The following CGNL1 variants were observed in gnomAD, a reference collection of about 807,000 sequenced individuals.
The protein encoded by CGNL1 is cingulin-like protein 1.
Under a neutral mutation model 141.2 loss-of-function variants are expected in CGNL1, and 132 were observed. That is an observed-to-expected ratio of 0.93 (90% CI 0.81 to 1.08). The LOEUF (loss-of-function observed/expected upper bound fraction) is 1.08, where lower values mean the gene tolerates loss of function less well. Ranked by LOEUF, CGNL1 falls within the 50% of genes least tolerant of loss-of-function variation. The probability of loss-of-function intolerance (pLI) is 0.00; values close to 1 mark genes in which losing one functional copy is unlikely to be tolerated. For missense variants in CGNL1, 1,870 were observed against 1,588.6 expected (o/e 1.18, Z -3.01); for synonymous variants, 690 against 622.1 (o/e 1.11, Z -1.63).
At position 57,448,107 on chromosome 15, in the gene CGNL1, G is replaced by A. The variant is rs145024143; in HGVS notation, c.1804-3393G>A. Among the ~76,000 whole-genome samples the A allele has an allele frequency of 1.5e-3, 222 of 152,076 alleles. 1 individual carries two copies. Among genetic ancestry groups the A allele is most frequent in the African/African-American group, 5.1e-3 (210 of 41,470 alleles). The stretch of plus-strand genomic sequence containing the variant: ...GGATTGTTTGAGGCCAGGAGTTTGA[G>A]ACCAGCCTGAGCAACATAGTGAGAT... On this transcript the variant is annotated intron_variant, in intron 4 of 18. Coordinates refer to ENST00000281282, the MANE Select transcript of CGNL1 (RefSeq NM_032866.5).
At chr15:57,452,623 G>C (rs1468576599) in intron 6 of CGNL1, among the ~76,000 whole-genome samples, 3 of 152,168 alleles carry the variant, frequency 2.0e-5, no homozygotes, top group South Asian at 2.1e-4. Context: ...CCTGGGCCCA[G>C]CTTCTAAAAA....
rs138609543 is a variant in CGNL1, at chr15:57,439,096, T to C, written c.1097T>C (p.Leu366Pro). Residue 366 changes from leucine to proline, a missense_variant, in exon 2 of 19, where the codon CTT becomes CCT. Physicochemically the swap from Leu to Pro is moderately conservative, Grantham distance 98. Transcript: ENST00000281282. The part of the protein sequence containing the change: ...LIEKFDQKPG[L>P]QRRGRSGKRN... The stretch of plus-strand genomic sequence containing the variant: ...GAAAAATTTGATCAAAAACCTGGGC[T>C]TCAGAGAAGAGGAAGGTCTGGGAAG... The C allele has an allele frequency of 3.8e-5, 62 of 1,614,072 alleles. No homozygotes were observed. The highest frequency in any genetic ancestry group is 5.0e-5 in the Non-Finnish European group (59 of 1,180,042).
At chr15:57,399,268 A>G (rs185887119) in intron 1 of CGNL1, among the ~76,000 whole-genome samples, 2 of 152,308 alleles carry the variant, frequency 1.3e-5, no homozygotes, top group East Asian at 3.9e-4. Flanking sequence ...TCTCCTATCT[A>G]GCTGTAACTT....
chr15:57,396,899 A>G (rs2062609110), intron 1 of CGNL1: 1 of 152,198 alleles, frequency 6.6e-6, no homozygotes, highest in Admixed American at 6.5e-5. Flanking sequence ...GTAATAATGA[A>G]TATAACTTGA....
At chr15:57,517,291 G>C (rs529969325) in intron 9 of CGNL1, among the ~76,000 whole-genome samples, 1 of 152,296 alleles carries the variant, frequency 6.6e-6, no homozygotes, top group Admixed American at 6.5e-5. Context: ...ACCTGAAAGG[G>C]CTGTCTTAAC....
intron 1 of CGNL1, among the ~76,000 whole-genome samples, chr15:57,381,940 A>G (rs1227661696): frequency 6.6e-6 from 1 of 152,218 alleles, no homozygotes; most frequent in Non-Finnish European, 1.5e-5. Context: ...TAGGCTGTGC[A>G]GAAAGTCTCT....
chr15:57,412,339 A>T (rs1478816936), intron 1 of CGNL1, among the ~76,000 whole-genome samples: 1 of 152,206 alleles, frequency 6.6e-6, no homozygotes, highest in Non-Finnish European at 1.5e-5. Context: ...AGATCTGGAG[A>T]AAACCCTTTG....
chr15:57,436,446 G>A (rs1367413432), intron 1 of CGNL1, among the ~76,000 whole-genome samples: 2 of 152,172 alleles, frequency 1.3e-5, no homozygotes, highest in African/African-American at 4.8e-5. Flanking sequence ...AAAGACAGAT[G>A]AGTGGAAAGA....
intron 4 of CGNL1, among the ~76,000 whole-genome samples, chr15:57,443,788 C>T (rs767613032): frequency 1.3e-5 from 2 of 152,166 alleles, no homozygotes; most frequent in East Asian, 1.9e-4. Context: ...ATTATCAACA[C>T]GATTCTTGTT....
intron 8 of CGNL1, among the ~76,000 whole-genome samples, chr15:57,463,669 G>A (rs1221607799): frequency 1.3e-5 from 2 of 152,240 alleles, no homozygotes; most frequent in Non-Finnish European, 2.9e-5. Context: ...CTTTGCTTAA[G>A]TAACTTGCTT....
At chr15:57,522,811 G>T (rs1214654536) in intron 10 of CGNL1, among the ~76,000 whole-genome samples, 1 of 152,116 alleles carries the variant, frequency 6.6e-6, no homozygotes, top group Non-Finnish European at 1.5e-5. Context: ...ACTAGTATTT[G>T]GTGCTGATTC....
rs1207737500 is a variant in CGNL1, at chr15:57,406,951, C to A, written c.-16+30384C>A. Reference sequence around the variant, plus strand: ...GCTAACTTAAATTTATGACTTTTGACTTATTCCTGATCTATTCACAGGCCG... The same window carrying A: ...GCTAACTTAAATTTATGACTTTTGAATTATTCCTGATCTATTCACAGGCCG... On this transcript the variant is annotated intron_variant, in intron 1 of 18. Coordinates refer to ENST00000281282, the MANE Select transcript of CGNL1 (RefSeq NM_032866.5). 5 of 152,244 alleles carry A rather than the reference C, an allele frequency of 3.3e-5. 1 individual carries two copies. Among genetic ancestry groups the A allele is most frequent in the Non-Finnish European group, 7.3e-5 (5 of 68,052 alleles). 9.4% of individuals were successfully genotyped at this position (152,244 alleles called of 1,614,324 possible). A position where few individuals can be genotyped will look rare whatever the true frequency, so the allele number is the denominator to read the frequency against.
At chr15:57,534,223 T>C (rs1247101609) in intron 14 of CGNL1, among the ~76,000 whole-genome samples, 1 of 152,250 alleles carries the variant, frequency 6.6e-6, no homozygotes, top group Non-Finnish European at 1.5e-5. Flanking sequence ...CAGCTCTCTT[T>C]CCCTCTTCTG....
chr15:57,437,546 CA>C (rs1555434607), intron 1 of CGNL1, among the ~76,000 whole-genome samples: 2 of 140,486 alleles, frequency 1.4e-5, no homozygotes, highest in Non-Finnish European at 3.0e-5. Context: ...ACCTAGTTCT[CA>C]AATGCTGGTA....
At chr15:57,452,072 AAGTAGG>A in intron 5 of CGNL1, 63 bp from the exon 6 acceptor site, 1 of 1,387,628 alleles carries the variant, frequency 7.2e-7, no homozygotes, top group South Asian at 1.5e-5. Context: ...GCTTGTTGAG[AAGTAGG>A]CTTCTGTGGG....
intron 1 of CGNL1, chr15:57,406,975 C>G (rs939364898): frequency 6.6e-6 from 1 of 152,160 alleles, no homozygotes; most frequent in Non-Finnish European, 1.5e-5. Context: ...ATTCACAGGC[C>G]GCTTGGAATG....
intron 6 of CGNL1, 32 bp downstream of exon 6, chr15:57,452,321 C>T (rs866772408): frequency 6.3e-7 from 1 of 1,597,756 alleles, no homozygotes. Flanking sequence ...TGTTGCCCTT[C>T]CCAGGTTCTC....
intron 13 of CGNL1, 32 bp downstream of exon 13, chr15:57,528,847 C>A (rs753846637): frequency 2.5e-6 from 4 of 1,607,580 alleles, no homozygotes; most frequent in Non-Finnish European, 1.7e-6. Context: ...AGCTGGGGGA[C>A]CTGCAGAGAG....
intron 3 of CGNL1, among the ~76,000 whole-genome samples, chr15:57,441,429 C>A (rs1030371985): frequency 6.6e-6 from 1 of 151,966 alleles, no homozygotes; most frequent in African/African-American, 2.4e-5. Context: ...AATGCGGTGG[C>A]ATGATCTTGG....
Sources: allele counts gnomAD v4.1 joint callset (sites outside exome capture counted in the v4.1 genomes callset), GRCh38; gene constraint gnomAD v4.1.1; transcripts MANE v1.5; gene names NCBI Gene and HGNC (gene_info 2026-07-23, HGNC 2026-07-21).